The following TTLL11 variants were observed in gnomAD, a reference collection of about 807,000 sequenced individuals.
TTLL11 encodes the protein tubulin polyglutamylase TTLL11.
TTLL11 carries 42 observed loss-of-function variants against 51.7 expected under a neutral mutation model. The observed-to-expected ratio is 0.81, with a 90% confidence interval of 0.64 to 1.05. The LOEUF is 1.05. Among genes scored for constraint, TTLL11 ranks in the 50% least tolerant of loss-of-function variants. The probability of loss-of-function intolerance (pLI) is 0.00; values close to 1 mark genes in which losing one functional copy is unlikely to be tolerated. For synonymous variants in TTLL11, 381 were observed against 383.5 expected, an observed-to-expected ratio of 0.99 and a Z score of 0.08; for missense variants, 799 against 940.4, an observed-to-expected ratio of 0.85 and a Z score of 1.97.
chr9:121,903,316 T>G (rs1839833070), intron 6 of TTLL11, among the ~76,000 whole-genome samples: 2 of 152,162 alleles, frequency 1.3e-5, no homozygotes, highest in African/African-American at 2.4e-5. Context: ...TGCTTTTTGC[T>G]CTTGGGTTTT....
At chr9:121,996,714 T>C (rs546914583) in intron 3 of TTLL11, among the ~76,000 whole-genome samples, 1 of 152,378 alleles carries the variant, frequency 6.6e-6, no homozygotes, top group Non-Finnish European at 1.5e-5. Flanking sequence ...TCTACCATAA[T>C]TAATTCAGGG....
intron 6 of TTLL11, among the ~76,000 whole-genome samples, chr9:121,965,761 T>C (rs953942198): frequency 1.3e-5 from 2 of 152,202 alleles, no homozygotes; most frequent in Admixed American, 6.5e-5. Context: ...TCGTTATTTT[T>C]GAGGGGACTT....
chr9:121,915,084 A>G (rs1482745536), intron 6 of TTLL11, among the ~76,000 whole-genome samples: 1 of 152,224 alleles, frequency 6.6e-6, no homozygotes, highest in Non-Finnish European at 1.5e-5. Context: ...CTCTCCTCAC[A>G]GAACAGACAG....
At chr9:122,055,166 G>A (rs1367754697) in intron 1 of TTLL11, among the ~76,000 whole-genome samples, 1 of 151,920 alleles carries the variant, frequency 6.6e-6, no homozygotes, top group Non-Finnish European at 1.5e-5. Context: ...AAGGGGGGAT[G>A]TGTCAGTCTG....
At position 121,967,161 on chromosome 9, in the gene TTLL11, T is replaced by A. The variant is rs1842419616; in HGVS notation, c.1481+6848A>T. ...GGCCTGGCTGATACCAAGTCTATTG[T>A]CTTGCCAGGACACAGGCCGCTCCTC... On this transcript the variant is annotated intron_variant, in intron 6 of 8. Transcript: ENST00000321582. Among the ~76,000 whole-genome samples the A allele has an allele frequency of 2.0e-5, 3 of 151,490 alleles. No individual in the cohort carries two copies. The South Asian group carries it at 6.3e-4, about 32-fold the overall frequency.
intron 6 of TTLL11, among the ~76,000 whole-genome samples, chr9:121,954,530 C>T (rs1350295831): frequency 1.3e-5 from 2 of 152,212 alleles, no homozygotes; most frequent in African/African-American, 4.8e-5. Context: ...TATTTTTCTT[C>T]TTCAAAGTAA....
intron 6 of TTLL11, among the ~76,000 whole-genome samples, chr9:121,914,849 A>T (rs1428957284): frequency 6.6e-6 from 1 of 152,258 alleles, no homozygotes; most frequent in East Asian, 1.9e-4. Context: ...GCCAGATCCC[A>T]TAGAGAAGGA....
At chr9:121,939,827 C>T (rs1346433756) in intron 6 of TTLL11, among the ~76,000 whole-genome samples, 1 of 152,190 alleles carries the variant, frequency 6.6e-6, no homozygotes. Flanking sequence ...TAAGGCACCT[C>T]CGCGATGCAG....
intron 3 of TTLL11, among the ~76,000 whole-genome samples, chr9:122,031,307 T>C (rs1258819095): frequency 6.6e-6 from 1 of 152,190 alleles, no homozygotes; most frequent in Non-Finnish European, 1.5e-5. Flanking sequence ...TTGTCAGACC[T>C]GCTCCCTGGC....
intron 1 of TTLL11, among the ~76,000 whole-genome samples, chr9:122,045,844 T>G (rs931972580): frequency 6.6e-6 from 1 of 152,136 alleles, no homozygotes; most frequent in African/African-American, 2.4e-5. Flanking sequence ...CCTAGAGTAG[T>G]CAAATTCATA....
chr9:122,093,087 G>A lies in TTLL11; in HGVS notation c.62C>T (p.Ala21Val), dbSNP rs1257841865. ...CTCAGCTTTGGCCGCCGCTTTGGCC[G>A]CAGCCACCGCCTCCGCCTCCCACCG... ...AARWEAEAVA[A>V]AKAAAKAEAE... The change falls in exon 1 of 9, where the codon GCG (alanine) becomes GTG (valine). Residue 21 changes from alanine to valine, a missense_variant. By Grantham distance (64) the Ala-to-Val change is moderately conservative. This residue lies in a region of TTLL11 where 166 missense variants were observed against 161.6 expected (regional missense o/e 1.03). Transcript: ENST00000321582. 6.7e-7 allele frequency: 1 copy of A among 1,502,950 alleles called. No homozygotes were observed. The allele number at this position is 1,502,950 out of a possible 1,614,324, so 93.1% of individuals were successfully genotyped here.
At chr9:121,874,682 C>T (rs1838496925) in intron 6 of TTLL11, among the ~76,000 whole-genome samples, 1 of 152,048 alleles carries the variant, frequency 6.6e-6, no homozygotes, top group Non-Finnish European at 1.5e-5. Context: ...GATCTAGTGT[C>T]ACATGGTCTG....
At chr9:121,922,459 C>T (rs1452013039) in intron 6 of TTLL11, among the ~76,000 whole-genome samples, 1 of 152,150 alleles carries the variant, frequency 6.6e-6, no homozygotes, top group East Asian at 1.9e-4. Flanking sequence ...CTACATTAGA[C>T]TGATAACTAC....
At chr9:122,069,982 T>C (rs914979477) in intron 1 of TTLL11, among the ~76,000 whole-genome samples, 2 of 150,974 alleles carry the variant, frequency 1.3e-5, no homozygotes, top group African/African-American at 2.4e-5. Context: ...AGGCCAGGCA[T>C]AGAGAATCAC....
At chr9:121,945,113 A>G (rs1841616948) in intron 6 of TTLL11, among the ~76,000 whole-genome samples, 1 of 152,218 alleles carries the variant, frequency 6.6e-6, no homozygotes. Flanking sequence ...GCGCTGAGTG[A>G]CACCTGCTTT....
chr9:121,959,131 G>A (rs1358793524), intron 6 of TTLL11, among the ~76,000 whole-genome samples: 2 of 152,140 alleles, frequency 1.3e-5, no homozygotes, highest in Non-Finnish European at 2.9e-5. Flanking sequence ...AGGCAGGGCC[G>A]AGCTCTGTGA....
intron 1 of TTLL11, among the ~76,000 whole-genome samples, chr9:122,060,535 C>T (rs538156737): frequency 2.6e-5 from 4 of 152,188 alleles, no homozygotes; most frequent in East Asian, 3.9e-4. Flanking sequence ...TCCTCTAGCC[C>T]GTGCTGCCAT....
chr9:122,009,045 A>G (rs1205601517), intron 3 of TTLL11, among the ~76,000 whole-genome samples: 2 of 152,222 alleles, frequency 1.3e-5, no homozygotes, highest in Non-Finnish European at 2.9e-5. Flanking sequence ...GGCATTGGGG[A>G]GCTATTTGTC....
intron 6 of TTLL11, among the ~76,000 whole-genome samples, chr9:121,912,669 G>A (rs1323069987): frequency 6.6e-6 from 1 of 152,080 alleles, no homozygotes; most frequent in Non-Finnish European, 1.5e-5. Context: ...AGTGGAGGCT[G>A]TCTTTTGTGA....
Sources: gnomAD v4.1 joint callset for allele counts (sites outside exome capture counted in the v4.1 genomes callset) on GRCh38, gnomAD v4.1.1 for gene constraint, gnomAD v4.1.1 regional missense constraint, MANE v1.5 for transcripts, NCBI Gene and HGNC (gene_info 2026-07-23, HGNC 2026-07-21) for gene names.